The following NRG1 variants were observed in gnomAD, a reference collection of about 807,000 sequenced individuals.
NRG1 encodes neuregulin 1.
Under a neutral mutation model 63.8 loss-of-function variants are expected in NRG1, and 18 were observed. That is an observed-to-expected ratio of 0.28 (90% CI 0.19 to 0.42). The LOEUF (loss-of-function observed/expected upper bound fraction) is 0.42, where lower values mean the gene tolerates loss of function less well. Ranked by LOEUF, NRG1 falls within the 10% of genes least tolerant of loss-of-function variation. The probability of loss-of-function intolerance (pLI) is 1.00; values close to 1 mark genes in which losing one functional copy is unlikely to be tolerated. For missense variants in NRG1, 762 were observed against 814.7 expected (o/e 0.94, Z 0.79); for synonymous variants, 302 against 301.3 (o/e 1.00, Z -0.02).
At chr8:32,081,627 G>T (rs1266493635) in intron 1 of NRG1, among the ~76,000 whole-genome samples, 2 of 152,090 alleles carry the variant, frequency 1.3e-5, no homozygotes, top group Admixed American at 1.3e-4. Flanking sequence ...AAACATGGTT[G>T]TTAAGTCATA....
intron 1 of NRG1, among the ~76,000 whole-genome samples, chr8:31,974,564 C>T (rs549093054): frequency 6.6e-6 from 1 of 152,214 alleles, no homozygotes; most frequent in Non-Finnish European, 1.5e-5. Flanking sequence ...TTCATTCAGT[C>T]ATCAAATAAC....
At chr8:32,690,667 G>A (rs1031114899) in intron 5 of NRG1, among the ~76,000 whole-genome samples, 3 of 151,684 alleles carry the variant, frequency 2.0e-5, no homozygotes, top group Non-Finnish European at 4.4e-5. Flanking sequence ...ATCTCCTGGT[G>A]AAGATAAACT....
intron 1 of NRG1, among the ~76,000 whole-genome samples, chr8:32,177,578 G>GTTT (rs1421999521): frequency 1.3e-5 from 2 of 151,870 alleles, no homozygotes; most frequent in Admixed American, 6.6e-5. Flanking sequence ...GATGTGTAAT[G>GTTT]TTCCCCTCGC....
chr8:32,675,341 T>A (rs1204921336), intron 5 of NRG1, among the ~76,000 whole-genome samples: 1 of 152,230 alleles, frequency 6.6e-6, no homozygotes, highest in African/African-American at 2.4e-5. Context: ...TTTAAAATTA[T>A]AAGCAAATGT....
chr8:32,075,795 C>T (rs542317786), intron 1 of NRG1, among the ~76,000 whole-genome samples: 12 of 152,008 alleles, frequency 7.9e-5, no homozygotes, highest in Admixed American at 2.6e-4. Flanking sequence ...TGCCTCAGCC[C>T]CCAAGTAGCT....
intron 1 of NRG1, among the ~76,000 whole-genome samples, chr8:32,198,012 C>T (rs1336610515): frequency 6.6e-6 from 1 of 152,170 alleles, no homozygotes; most frequent in East Asian, 1.9e-4. Context: ...CAGGATCCTC[C>T]TGAGGATGAA....
chr8:32,768,799 G>A (rs373311046), downstream of NRG1, among the ~76,000 whole-genome samples: 1 of 152,270 alleles, frequency 6.6e-6, no homozygotes, highest in African/African-American at 2.4e-5. Flanking sequence ...ATCCTTTGGG[G>A]TGAACAGTGG....
intron 1 of NRG1, among the ~76,000 whole-genome samples, chr8:31,845,925 G>T (rs1450450548): frequency 6.6e-6 from 1 of 152,116 alleles, no homozygotes; most frequent in East Asian, 1.9e-4. Flanking sequence ...GTCAAAATAA[G>T]GGAAATCAAT....
intron 1 of NRG1, among the ~76,000 whole-genome samples, chr8:32,200,662 T>C (rs937425812): frequency 2.6e-4 from 39 of 152,310 alleles, no homozygotes; most frequent in African/African-American, 9.1e-4. Flanking sequence ...GGGGATCAGA[T>C]AGAAAGCTGT....
chr8:31,995,922 C>T (rs894090863), intron 1 of NRG1, among the ~76,000 whole-genome samples: 5 of 151,892 alleles, frequency 3.3e-5, no homozygotes, highest in African/African-American at 9.6e-5. Context: ...TTTCTATTTC[C>T]GTATTCCCTA....
intron 1 of NRG1, among the ~76,000 whole-genome samples, chr8:31,886,612 C>A (rs183575979): frequency 3.3e-5 from 5 of 152,078 alleles, no homozygotes; most frequent in Non-Finnish European, 5.9e-5. Context: ...AAATTAGTAT[C>A]TTTTTAATGT....
intron 1 of NRG1, among the ~76,000 whole-genome samples, chr8:31,705,372 G>A (rs564855611): frequency 3.6e-4 from 54 of 152,016 alleles, no homozygotes; most frequent in African/African-American, 9.2e-4. Flanking sequence ...TTTGTAAAAC[G>A]GCCTTCTCCA....
At chr8:31,686,990 A>G (rs895068171) in intron 1 of NRG1, among the ~76,000 whole-genome samples, 28 of 152,092 alleles carry the variant, frequency 1.8e-4, no homozygotes, top group Non-Finnish European at 1.5e-4. Context: ...ACTGGTCTCT[A>G]ACTCCTGACC....
At chr8:32,511,088 G>C (rs1829133134) in intron 1 of NRG1, among the ~76,000 whole-genome samples, 2 of 150,228 alleles carry the variant, frequency 1.3e-5, no homozygotes, top group Non-Finnish European at 3.0e-5. Context: ...TAGGGGCTTT[G>C]AGAAAATGAG....
intron 6 of NRG1, among the ~76,000 whole-genome samples, chr8:32,737,068 G>A (rs1825256232): frequency 1.3e-5 from 2 of 152,280 alleles, no homozygotes; most frequent in South Asian, 4.1e-4. Context: ...CTGGGCAGAA[G>A]TTTGGTTAGT....
intron 1 of NRG1, among the ~76,000 whole-genome samples, chr8:32,507,572 A>G (rs1160052844): frequency 6.6e-6 from 1 of 152,226 alleles, no homozygotes; most frequent in East Asian, 1.9e-4. Flanking sequence ...AAACAAAACA[A>G]CAACAAAAAA....
At chr8:31,852,603 CTTTAG>C (rs1190999976) in intron 1 of NRG1, among the ~76,000 whole-genome samples, 1 of 150,030 alleles carries the variant, frequency 6.7e-6, no homozygotes, top group East Asian at 2.0e-4. Flanking sequence ...TGCAGAAGCT[CTTTAG>C]TTTAATTAGA....
At chr8:31,854,303 C>T (rs1827601861) in intron 1 of NRG1, among the ~76,000 whole-genome samples, 1 of 152,150 alleles carries the variant, frequency 6.6e-6, no homozygotes, top group South Asian at 2.1e-4. Flanking sequence ...TGTTATTGGT[C>T]TACTCAGAGA....
At chr8:31,941,254 A>C (rs1230211633) in intron 1 of NRG1, among the ~76,000 whole-genome samples, 1 of 152,208 alleles carries the variant, frequency 6.6e-6, no homozygotes, top group Non-Finnish European at 1.5e-5. Context: ...TAGGCAAGTC[A>C]ATAAATGTGA....
Sources: allele counts gnomAD v4.1 joint callset (sites outside exome capture counted in the v4.1 genomes callset), GRCh38; gene constraint gnomAD v4.1.1; transcripts MANE v1.5; gene names NCBI Gene and HGNC (gene_info 2026-07-23, HGNC 2026-07-21).